Variants in RIN3 observed in about 807,000 individuals in gnomAD.
RIN3 encodes Ras and Rab interactor 3.
Under a neutral mutation model 76.3 loss-of-function variants are expected in RIN3, and 54 were observed. The observed-to-expected ratio is 0.71, with a 90% confidence interval of 0.57 to 0.89. The LOEUF (loss-of-function observed/expected upper bound fraction) is 0.89. Ranked by LOEUF, RIN3 falls within the 40% of genes least tolerant of loss-of-function variation. The pLI is 0.00. For synonymous variants in RIN3, 576 were observed against 564.0 expected, an observed-to-expected ratio of 1.02 and a Z score of -0.30; for missense variants, 1,256 against 1,322.1, an observed-to-expected ratio of 0.95 and a Z score of 0.78.
intron 1 of RIN3, among the ~76,000 whole-genome samples, chr14:92,544,198 C>G (rs1232302285): frequency 6.6e-6 from 1 of 152,096 alleles, no homozygotes; most frequent in African/African-American, 2.4e-5. Flanking sequence ...GGATCACAGG[C>G]CCTATCTAGC....
At chr14:92,660,228 C>G (rs755411224) in intron 7 of RIN3, among the ~76,000 whole-genome samples, 3 of 152,232 alleles carry the variant, frequency 2.0e-5, no homozygotes, top group African/African-American at 7.2e-5. Flanking sequence ...CTGGATCAGG[C>G]GTGCCTGAGC....
chr14:92,532,453 A>G (rs1042472918), intron 1 of RIN3, among the ~76,000 whole-genome samples: 4 of 152,056 alleles, frequency 2.6e-5, no homozygotes, highest in Admixed American at 2.0e-4. Context: ...AACTAATCCC[A>G]TGGGGTCATC....
At chr14:92,666,624 G>C (rs1199517959) in intron 7 of RIN3, among the ~76,000 whole-genome samples, 1 of 152,172 alleles carries the variant, frequency 6.6e-6, no homozygotes, top group African/African-American at 2.4e-5. Context: ...AGAGCAGCCA[G>C]AACTTCTAGA....
chr14:92,547,027 ATTATTTTATT>A lies in RIN3; in HGVS notation c.45-8713_45-8704del, dbSNP rs928771312. Among the ~76,000 whole-genome samples the A allele has an allele frequency of 1.4e-5, 2 of 141,258 alleles. 1 individual carries two copies. Among genetic ancestry groups the A allele is most frequent in the South Asian group, 4.4e-4 (2 of 4,502 alleles). The allele number at this position is 141,258 out of a possible 152,430, so 92.7% of individuals were successfully genotyped here. The stretch of plus-strand genomic sequence containing the variant: ...ATTTTATTTTATTATTAATATAATT[ATTATTTTATT>A]TTATTTTATTATAATAAAATAAATT... On this transcript the variant is annotated intron_variant, in intron 1 of 9. Transcript: ENST00000216487.
At chr14:92,687,761 GC>G in intron 9 of RIN3, 164 bp from the exon 10 acceptor site, 5 of 604,936 alleles carry the variant, frequency 8.3e-6, no homozygotes, top group Non-Finnish European at 1.4e-5. Context: ...AGGGGGACGG[GC>G]CCCCCGCAGG....
Position 92,514,883 on chromosome 14 carries a change from C to T in RIN3, c.44+907C>T, listed in dbSNP as rs983004186. ...GCCTATTTCTGGGTACCCAGGAGCG[C>T]GTCTGGGGAGGCCATTCCCAGCTTT... On this transcript the variant is annotated intron_variant, in intron 1 of 9. Transcript: ENST00000216487. The surrounding 1 kb of genome is among the most constrained non-coding windows in gnomAD (Gnocchi z 7.2). Among the ~76,000 whole-genome samples, 3 of 152,192 alleles carry T rather than the reference C, an allele frequency of 2.0e-5. No homozygotes were observed. The highest frequency in any genetic ancestry group is 6.5e-5 in the Admixed American group (1 of 15,290).
At chr14:92,576,373 G>A in intron 2 of RIN3, 1 of 1,289,872 alleles carries the variant, frequency 7.8e-7, no homozygotes, top group South Asian at 1.2e-5. Flanking sequence ...GGCTCTGGGT[G>A]AGACCTCGGT....
chr14:92,626,689 A>T (rs1187318734), intron 4 of RIN3, among the ~76,000 whole-genome samples: 2 of 152,152 alleles, frequency 1.3e-5, no homozygotes, highest in Non-Finnish European at 2.9e-5. Context: ...GAGTAGCAGA[A>T]GGATCTGGGA....
chr14:92,592,039 A>G (rs1173245356), intron 3 of RIN3, among the ~76,000 whole-genome samples: 2 of 152,218 alleles, frequency 1.3e-5, no homozygotes, highest in Non-Finnish European at 2.9e-5. Context: ...GTATCTATAT[A>G]TAAGCAAAAT....
chr14:92,527,930 G>A (rs921410119), intron 1 of RIN3, among the ~76,000 whole-genome samples: 5 of 152,114 alleles, frequency 3.3e-5, no homozygotes, highest in African/African-American at 9.7e-5. Flanking sequence ...AGTTTGGGGC[G>A]ATGACAAATA....
In RIN3 at chr14:92,513,893, C is replaced by T; in HGVS notation, c.-40C>T. ...ACTCCGCGTTCCGCGCGGCCCGGCG[C>T]CTGAGCGCCTCCGTTCCCCGTCCCG... On this transcript the variant is annotated 5_prime_UTR_variant, in exon 1 of 10. Coordinates refer to ENST00000216487, the MANE Select transcript of RIN3 (RefSeq NM_024832.5). 1 of 1,250,784 alleles carries T rather than the reference C, an allele frequency of 8.0e-7. No homozygotes were observed. The highest frequency in any genetic ancestry group is 1.0e-6 in the Non-Finnish European group (1 of 996,942). The allele number at this position is 1,250,784 out of a possible 1,614,324, so 77.5% of individuals were successfully genotyped here. A position where few individuals can be genotyped will look rare whatever the true frequency, so the allele number is the denominator to read the frequency against.
chr14:92,587,499 A>G (rs1344895121), intron 3 of RIN3, among the ~76,000 whole-genome samples: 1 of 152,242 alleles, frequency 6.6e-6, no homozygotes, highest in East Asian at 1.9e-4. Flanking sequence ...TTTGACAGAG[A>G]TGGAGAAAGA....
intron 1 of RIN3, among the ~76,000 whole-genome samples, chr14:92,551,181 G>T (rs1897413492): frequency 6.6e-6 from 1 of 152,190 alleles, no homozygotes; most frequent in African/African-American, 2.4e-5. Context: ...TGTCCTGTTT[G>T]AACTTCATAT....
intron 1 of RIN3, among the ~76,000 whole-genome samples, chr14:92,534,085 A>T (rs1896941405): frequency 6.6e-6 from 1 of 152,046 alleles, no homozygotes; most frequent in Non-Finnish European, 1.5e-5. Flanking sequence ...TCTTTTATAT[A>T]TATTTATATA....
intron 4 of RIN3, among the ~76,000 whole-genome samples, chr14:92,630,047 G>A (rs1237651426): frequency 6.6e-6 from 1 of 152,252 alleles, no homozygotes; most frequent in Non-Finnish European, 1.5e-5. Context: ...CATGTTAGGT[G>A]CTGTGAATGA....
intron 2 of RIN3, among the ~76,000 whole-genome samples, chr14:92,575,785 G>T (rs190446183): frequency 6.6e-5 from 10 of 152,282 alleles, no homozygotes; most frequent in African/African-American, 2.2e-4. Flanking sequence ...TGTTTTGTCA[G>T]CAGGGTCTTT....
intron 2 of RIN3, among the ~76,000 whole-genome samples, chr14:92,560,547 T>C (rs985175381): frequency 6.6e-6 from 1 of 152,182 alleles, no homozygotes; most frequent in Admixed American, 6.5e-5. Flanking sequence ...GGCATTAGTG[T>C]GTTCCCATTT....
chr14:92,641,773 C>T (rs1887025465), intron 5 of RIN3, among the ~76,000 whole-genome samples: 1 of 152,206 alleles, frequency 6.6e-6, no homozygotes, highest in African/African-American at 2.4e-5. Context: ...ACAACTGACC[C>T]TAAGCACACC....
At chr14:92,632,687 C>T (rs955676439) in intron 4 of RIN3, among the ~76,000 whole-genome samples, 3 of 152,142 alleles carry the variant, frequency 2.0e-5, no homozygotes, top group Non-Finnish European at 4.4e-5. Flanking sequence ...TGGGAGGATG[C>T]CCTGTGCTGC....
Sources: gnomAD v4.1 joint callset for allele counts (sites outside exome capture counted in the v4.1 genomes callset) on GRCh38, gnomAD v4.1.1 for gene constraint, Gnocchi (gnomAD v3.1) non-coding constraint, MANE v1.5 for transcripts, NCBI Gene and HGNC (gene_info 2026-07-23, HGNC 2026-07-21) for gene names.